RGPD2: variants seen among roughly 807,000 people sequenced by gnomAD.
The protein encoded by RGPD2 is RANBP2-like and GRIP domain-containing protein 2.
In RGPD2, 2 loss-of-function variants were observed where a neutral mutation model predicts 36.0. The ratio of observed to expected loss-of-function variants is 0.06; its 90% CI spans 0.02 to 0.17. The LOEUF (loss-of-function observed/expected upper bound fraction) is 0.17, where lower values mean the gene tolerates loss of function less well. RGPD2 is among the 10% of genes least tolerant of loss of function. RGPD2 has a pLI of 1.00. For synonymous variants in RGPD2, 19 were observed against 163.8 expected (o/e 0.12, Z 6.75); for missense variants, 40 against 464.3 (o/e 0.09, Z 8.40).
chr2:87,872,913 C>A, the RGPD2 span, among the ~76,000 whole-genome samples: 3 of 152,240 alleles, frequency 2.0e-5, no homozygotes, highest in Non-Finnish European at 4.4e-5. Flanking sequence ...GCACGTGTCA[C>A]CCTGCCCAGC....
At chr2:87,858,121 A>G in the RGPD2 span, among the ~76,000 whole-genome samples, 1 of 152,322 alleles carries the variant, frequency 6.6e-6, no homozygotes, top group South Asian at 2.1e-4. Flanking sequence ...TGATTGAGTC[A>G]TACGTACTCA....
chr2:87,798,925 G>A (rs1190954409), intron 8 of RGPD2, among the ~76,000 whole-genome samples: 1 of 129,376 alleles, frequency 7.7e-6, no homozygotes, highest in Non-Finnish European at 1.7e-5. Flanking sequence ...TATTCCATAG[G>A]TTTACAGTAA....
chr2:87,887,159 T>C, the RGPD2 span, among the ~76,000 whole-genome samples: 2 of 151,918 alleles, frequency 1.3e-5, no homozygotes, highest in Non-Finnish European at 2.9e-5. Flanking sequence ...AGGCCAAGAC[T>C]GTGTGCTTTG....
At chr2:87,873,949 T>C in the RGPD2 span, among the ~76,000 whole-genome samples, 5 of 152,004 alleles carry the variant, frequency 3.3e-5, no homozygotes, top group African/African-American at 7.3e-5. Flanking sequence ...TAGTATCTCA[T>C]TGTGGTTTTG....
chr2:87,869,982 T>C, the RGPD2 span, among the ~76,000 whole-genome samples: 1 of 152,280 alleles, frequency 6.6e-6, no homozygotes, highest in Non-Finnish European at 1.5e-5. Flanking sequence ...TTCTTACTTA[T>C]CCAAAGATTA....
chr2:87,863,747 G>C, the RGPD2 span, among the ~76,000 whole-genome samples: 1 of 151,570 alleles, frequency 6.6e-6, no homozygotes, highest in East Asian at 1.9e-4. Flanking sequence ...TAAAGCAAAT[G>C]CCTTTGATTT....
chr2:87,863,132 T>TTATG, the RGPD2 span, among the ~76,000 whole-genome samples: 6 of 152,008 alleles, frequency 3.9e-5, no homozygotes, highest in African/African-American at 1.5e-4. Flanking sequence ...TCCTGTGACT[T>TTATG]TATGCTCTGC....
At chr2:87,984,184 G>C in the RGPD2 span, among the ~76,000 whole-genome samples, 1 of 151,610 alleles carries the variant, frequency 6.6e-6, no homozygotes, top group East Asian at 2.0e-4. Flanking sequence ...TTCTCAGGAA[G>C]CTGGCAAAGG....
At chr2:87,839,250 TGTG>T in the RGPD2 span, among the ~76,000 whole-genome samples, 2 of 152,160 alleles carry the variant, frequency 1.3e-5, no homozygotes, top group African/African-American at 4.8e-5. Flanking sequence ...AAGACATATA[TGTG>T]GCTAACAAGC....
the RGPD2 span, among the ~76,000 whole-genome samples, chr2:87,864,617 G>GATAGATAGATAC: frequency 0.031 from 792 of 25,472 alleles, no homozygotes; most frequent in Non-Finnish European, 0.054. Context: ...TAGATAGATA[G>GATAGATAGATAC]ATAGATACAT....
At chr2:87,978,821 G>A in the RGPD2 span, among the ~76,000 whole-genome samples, 2 of 141,614 alleles carry the variant, frequency 1.4e-5, no homozygotes, top group Non-Finnish European at 3.1e-5. Flanking sequence ...TGGAGGCTGA[G>A]GTAGGAGGAT....
chr2:87,887,440 A>G, the RGPD2 span, among the ~76,000 whole-genome samples: 1 of 151,728 alleles, frequency 6.6e-6, no homozygotes, highest in Non-Finnish European at 1.5e-5. Flanking sequence ...GTGGATTTCT[A>G]TTTTTCAAAG....
chr2:87,806,591 CCA>C, intron 7 of RGPD2, 103 bp downstream of exon 7: 1 of 7,698 alleles, frequency 1.3e-4, no homozygotes, highest in Non-Finnish European at 2.4e-4. Context: ...CATTTTAATT[CCA>C]CAGTTTGTTC....
chr2:87,857,099 C>G, the RGPD2 span, among the ~76,000 whole-genome samples: 1 of 152,226 alleles, frequency 6.6e-6, no homozygotes, highest in Non-Finnish European at 1.5e-5. Flanking sequence ...AAGGCCAAAA[C>G]AGAAGAATGT....
chr2:87,875,745 G>C, the RGPD2 span, among the ~76,000 whole-genome samples: 1 of 152,284 alleles, frequency 6.6e-6, no homozygotes, highest in Non-Finnish European at 1.5e-5. Flanking sequence ...AAATGAGTTA[G>C]AGGGGAGTCC....
At chr2:87,969,618 G>T in the RGPD2 span, among the ~76,000 whole-genome samples, 1 of 139,972 alleles carries the variant, frequency 7.1e-6, no homozygotes, top group African/African-American at 2.6e-5. Flanking sequence ...AGATCCCACC[G>T]CTGCACTCCA....
At chr2:87,940,172 A>G in the RGPD2 span, among the ~76,000 whole-genome samples, 1 of 150,442 alleles carries the variant, frequency 6.6e-6, no homozygotes, top group Non-Finnish European at 1.5e-5. Context: ...CAAAAGCAAT[A>G]TAATTTCTCT....
At chr2:87,857,939 A>G in the RGPD2 span, among the ~76,000 whole-genome samples, 1 of 152,262 alleles carries the variant, frequency 6.6e-6, no homozygotes, top group South Asian at 2.1e-4. Flanking sequence ...TACTTCAAAC[A>G]ATATATTTCT....
At chr2:87,897,494 G>A in the RGPD2 span, among the ~76,000 whole-genome samples, 11 of 151,942 alleles carry the variant, frequency 7.2e-5, no homozygotes, top group Admixed American at 2.6e-4. Flanking sequence ...TAGGTTCCGA[G>A]GTACATGTGC....
Sources: allele counts gnomAD v4.1 joint callset (sites outside exome capture counted in the v4.1 genomes callset), GRCh38; gene constraint gnomAD v4.1.1; transcripts MANE v1.5; gene names NCBI Gene and HGNC (gene_info 2026-07-23, HGNC 2026-07-21).